The following CAMK1G variants were observed in gnomAD, a reference collection of about 807,000 sequenced individuals.
CAMK1G encodes calcium/calmodulin-dependent protein kinase type 1G.
In CAMK1G, 27 loss-of-function variants were observed where a neutral mutation model predicts 54.8. The observed-to-expected ratio is 0.49, with a 90% confidence interval of 0.36 to 0.68. The LOEUF is 0.68. Ranked by LOEUF, CAMK1G falls within the 30% of genes least tolerant of loss-of-function variation. The pLI is 0.00. For missense variants in CAMK1G, 512 were observed against 591.0 expected, an observed-to-expected ratio of 0.87 and a Z score of 1.39; for synonymous variants, 238 against 224.9, an observed-to-expected ratio of 1.06 and a Z score of -0.52.
intron 2 of CAMK1G, among the ~76,000 whole-genome samples, chr1:209,596,664 CACACACA>C (rs1665396360): frequency 1.9e-4 from 3 of 15,974 alleles, no homozygotes; most frequent in African/African-American, 3.7e-4. Flanking sequence ...ACACACACCA[CACACACA>C]CACACACACA....
intron 8 of CAMK1G, 137 bp from the exon 9 acceptor site, chr1:209,609,714 C>A: frequency 1.2e-6 from 1 of 821,042 alleles, no homozygotes; most frequent in African/African-American, 1.7e-5. Context: ...TTTTTTTCCT[C>A]TTCTAAGACT....
intron 10 of CAMK1G, 107 bp from the exon 11 acceptor site, chr1:209,611,685 A>T (rs1665784052): frequency 6.7e-7 from 1 of 1,484,960 alleles, no homozygotes. Context: ...CTCTGAAATG[A>T]GAAGTGGGCA....
chr1:209,598,688 G>A (rs542145081), intron 2 of CAMK1G, among the ~76,000 whole-genome samples: 23 of 152,250 alleles, frequency 1.5e-4, no homozygotes, highest in African/African-American at 4.3e-4. Context: ...ACTCAGCAGC[G>A]CCCACATGAC....
chr1:209,584,960 C>T (rs1665058209), intron 1 of CAMK1G, among the ~76,000 whole-genome samples: 1 of 152,108 alleles, frequency 6.6e-6, no homozygotes, highest in Non-Finnish European at 1.5e-5. Flanking sequence ...AGGACGATCC[C>T]ATCAGATGGT....
chr1:209,600,222 C>T, intron 3 of CAMK1G, 111 bp downstream of exon 3: 1 of 1,309,308 alleles, frequency 7.6e-7, no homozygotes, highest in South Asian at 1.4e-5. Context: ...GCATTGCTCA[C>T]TTTGATTGAG....
intron 2 of CAMK1G, among the ~76,000 whole-genome samples, chr1:209,596,128 C>T (rs1665376395): frequency 6.6e-6 from 1 of 152,272 alleles, no homozygotes; most frequent in Non-Finnish European, 1.5e-5. Flanking sequence ...CGGCTGCCCA[C>T]ACTCGTGCCG....
At chr1:209,588,160 G>A (rs1433181708) in intron 1 of CAMK1G, among the ~76,000 whole-genome samples, 1 of 152,140 alleles carries the variant, frequency 6.6e-6, no homozygotes, top group Non-Finnish European at 1.5e-5. Flanking sequence ...AAAGGAGGGT[G>A]GCTCTTCCCA....
At chr1:209,596,417 G>A (rs1665383917) in intron 2 of CAMK1G, among the ~76,000 whole-genome samples, 1 of 152,174 alleles carries the variant, frequency 6.6e-6, no homozygotes, top group Non-Finnish European at 1.5e-5. Context: ...GACTTGTGCT[G>A]TAGGACTCAA....
At chr1:209,585,656 G>C (rs1411656232) in intron 1 of CAMK1G, among the ~76,000 whole-genome samples, 1 of 152,218 alleles carries the variant, frequency 6.6e-6, no homozygotes, top group African/African-American at 2.4e-5. Context: ...CCAGGGCAGC[G>C]AATACTATAA....
chr1:209,609,767 C>T, intron 8 of CAMK1G, 84 bp from the exon 9 acceptor site: 1 of 1,364,716 alleles, frequency 7.3e-7, no homozygotes, highest in Non-Finnish European at 1.0e-6. Flanking sequence ...GATGCATTCA[C>T]TGCCACCCAC....
intron 1 of CAMK1G, among the ~76,000 whole-genome samples, chr1:209,591,743 G>C (rs1385644352): frequency 6.6e-6 from 1 of 152,186 alleles, no homozygotes; most frequent in Non-Finnish European, 1.5e-5. Context: ...GGATTCCACA[G>C]TCCTCTGGAT....
Position 209,609,025 on chromosome 1 carries a change from T to C in CAMK1G, c.681T>C (p.Leu227=). 1 of 1,614,152 alleles carries C rather than the reference T, an allele frequency of 6.2e-7. No homozygotes were observed. The highest frequency in any genetic ancestry group is 1.1e-5 in the South Asian group (1 of 91,080). ...TCTATGAAGAAACGGAGTCTAAGCT[T>C]TTCGAGAAGATCAAGGAGGGCTACT... ...PPFYEETESK[L]FEKIKEGYYE... is the part of the protein sequence containing the mutation. The change falls in exon 8 of 13, where the codon CTT becomes CTC. Residue 227 remains leucine (L), a synonymous_variant. Coordinates refer to ENST00000361322, the MANE Select transcript of CAMK1G (RefSeq NM_020439.3).
At position 209,612,095 on chromosome 1, in the gene CAMK1G, C is replaced by A; in HGVS notation, c.1219C>A (p.His407Asn). Residue 407 changes from histidine to asparagine, a missense_variant, in exon 11 of 13, where the codon CAT (histidine) becomes AAT (asparagine). By Grantham distance (68) the His-to-Asn change is moderately conservative. Transcript: ENST00000361322. The part of the protein sequence containing the change: ...LHISSSLVPM[H>N]QGSLAAGPCG... The stretch of plus-strand genomic sequence containing the variant: ...CATCAGCAGCAGCCTGGTGCCCATG[C>A]ATCAGGGGTCCCTGGCCGCCGGGCC... The A allele has an allele frequency of 4.3e-6, 7 of 1,614,220 alleles. No individual in the cohort carries two copies. The highest frequency in any genetic ancestry group is 5.1e-6 in the Non-Finnish European group (6 of 1,180,000).
chr1:209,596,811 A>T (rs1190098017), intron 2 of CAMK1G, among the ~76,000 whole-genome samples: 1 of 152,176 alleles, frequency 6.6e-6, no homozygotes, highest in Non-Finnish European at 1.5e-5. Flanking sequence ...ATATATCTAC[A>T]ATATCATTGT....
chr1:209,588,605 G>A (rs1464718297), intron 1 of CAMK1G, among the ~76,000 whole-genome samples: 1 of 152,200 alleles, frequency 6.6e-6, no homozygotes, highest in Non-Finnish European at 1.5e-5. Flanking sequence ...GGGCAGACAT[G>A]AGAGTGCAGA....
intron 1 of CAMK1G, among the ~76,000 whole-genome samples, chr1:209,588,470 A>G (rs1665162012): frequency 6.6e-6 from 1 of 152,130 alleles, no homozygotes; most frequent in Non-Finnish European, 1.5e-5. Context: ...GGATCACCTA[A>G]TTAGGAGCGT....
intron 1 of CAMK1G, among the ~76,000 whole-genome samples, chr1:209,587,198 G>A (rs543025853): frequency 3.9e-5 from 6 of 152,058 alleles, no homozygotes; most frequent in East Asian, 1.9e-4. Context: ...GTTGCAACCC[G>A]TGAACTGGAA....
rs146785788 is a variant in CAMK1G, at chr1:209,602,196, T to C, written c.222-1018T>C. Among the ~76,000 whole-genome samples the C allele has an allele frequency of 4.2e-3, 635 of 152,290 alleles. 2 individuals are homozygous for C. Among genetic ancestry groups the C allele is most frequent in the Middle Eastern group, 0.031 (9 of 294 alleles). ...GATAATTATTTGTGGTGCTGGGGGC[T>C]GTACTGTGCAGTGTTGGATGTTTAG... On this transcript the variant is annotated intron_variant, in intron 3 of 12. Transcript: ENST00000361322.
intron 2 of CAMK1G, 41 bp downstream of exon 2, chr1:209,595,116 T>C: frequency 7.0e-7 from 1 of 1,423,176 alleles, no homozygotes; most frequent in Non-Finnish European, 9.9e-7. Flanking sequence ...CTGGGCTGCC[T>C]GCAGTGGGAG....
Sources: allele counts gnomAD v4.1 joint callset (sites outside exome capture counted in the v4.1 genomes callset), GRCh38; gene constraint gnomAD v4.1.1; transcripts MANE v1.5; gene names NCBI Gene and HGNC (gene_info 2026-07-23, HGNC 2026-07-21).